ANK2: variants seen among roughly 807,000 people sequenced by gnomAD.
ANK2 encodes the protein ankyrin-2.
A neutral mutation model predicts 360.5 loss-of-function variants in ANK2; 83 were observed. That is an observed-to-expected ratio of 0.23 (90% CI 0.19 to 0.28). The LOEUF (loss-of-function observed/expected upper bound fraction) is 0.28. Ranked by LOEUF, ANK2 falls within the 10% of genes least tolerant of loss-of-function variation. The pLI, the probability that ANK2 is intolerant of heterozygous loss-of-function variation, is 1.00. For missense variants in ANK2, 4,201 were observed against 4,795.7 expected, an observed-to-expected ratio of 0.88 and a Z score of 3.66; for synonymous variants, 1,740 against 1,759.5, an observed-to-expected ratio of 0.99 and a Z score of 0.28.
chr4:113,341,314 T>G (rs912260040), intron 32 of ANK2, among the ~76,000 whole-genome samples: 1 of 152,196 alleles, frequency 6.6e-6, no homozygotes, highest in Admixed American at 6.5e-5. Flanking sequence ...AGTGAGATCC[T>G]TGTCTTATGT....
intron 2 of ANK2, among the ~76,000 whole-genome samples, chr4:112,910,641 T>C (rs530094317): frequency 4.1e-4 from 62 of 152,306 alleles, no homozygotes; most frequent in Middle Eastern, 3.4e-3. Flanking sequence ...CTGGGAATTG[T>C]CCAGCAAAAT....
chr4:112,864,072 T>G (rs1199941504), intron 1 of ANK2, among the ~76,000 whole-genome samples: 1 of 152,150 alleles, frequency 6.6e-6, no homozygotes, highest in African/African-American at 2.4e-5. Context: ...ACAGAAAGAA[T>G]AAAGAGATTA....
At chr4:112,883,485 AG>A (rs1056997160) in intron 1 of ANK2, among the ~76,000 whole-genome samples, 5 of 152,304 alleles carry the variant, frequency 3.3e-5, no homozygotes, top group Non-Finnish European at 5.9e-5. Context: ...TGAAAACAAA[AG>A]TTATTCTTTC....
chr4:113,355,807 T>A lies in ANK2; in HGVS notation c.7189T>A (p.Ser2397Thr), dbSNP rs941470798. The part of the protein sequence containing the change: ...ASVKTDTGTE[S>T]KPQGVIRSPQ... ...TGTAAAGACAGATACAGGAACTGAATCAAAACCTCAGGGAGTCATTAGAAG... is the reference window on the plus strand; with the variant it reads ...TGTAAAGACAGATACAGGAACTGAAACAAAACCTCAGGGAGTCATTAGAAG... The change falls in exon 38 of 46, where the codon TCA becomes ACA. Residue 2397 changes from serine to threonine, a missense_variant. By Grantham distance (58) the Ser-to-Thr change is moderately conservative. Transcript: ENST00000357077. 2 of 1,613,876 alleles carry A rather than the reference T, an allele frequency of 1.2e-6. No homozygotes were observed. Among genetic ancestry groups the A allele is most frequent in the Non-Finnish European group, 1.7e-6 (2 of 1,179,956 alleles).
At chr4:113,123,139 ACACT>A (rs1306047305) in intron 1 of ANK2, among the ~76,000 whole-genome samples, 1 of 151,952 alleles carries the variant, frequency 6.6e-6, no homozygotes, top group African/African-American at 2.4e-5. Flanking sequence ...AATCTTATAC[ACACT>A]CAATGTAATT....
intron 42 of ANK2, 106 bp from the exon 43 acceptor site, chr4:113,369,408 C>A: frequency 8.4e-7 from 1 of 1,189,766 alleles, no homozygotes; most frequent in Non-Finnish European, 1.2e-6. Flanking sequence ...TTTTGACTGT[C>A]ATAGACTATG....
the ANK2 span, among the ~76,000 whole-genome samples, chr4:112,786,746 C>CTTTT: frequency 2.8e-5 from 3 of 108,912 alleles, no homozygotes; most frequent in Non-Finnish European, 3.8e-5. Context: ...TAAAATCAAA[C>CTTTT]TTTTTTTTTT....
chr4:112,962,970 C>A (rs1431903521), intron 2 of ANK2, among the ~76,000 whole-genome samples: 1 of 152,044 alleles, frequency 6.6e-6, no homozygotes, highest in Non-Finnish European at 1.5e-5. Flanking sequence ...ATTTTTTCAG[C>A]TAATACATGA....
chr4:113,161,695 CGTGTGTGTGTGTGTGTGT>C (rs56162406), intron 1 of ANK2, among the ~76,000 whole-genome samples: 3 of 144,742 alleles, frequency 2.1e-5, no homozygotes, highest in Non-Finnish European at 4.6e-5. Flanking sequence ...GTTTTAGTCT[CGTGTGTGTGTGTGTGTGT>C]GTGTGTGTGT....
At chr4:113,084,751 C>T (rs2083839810) in intron 1 of ANK2, among the ~76,000 whole-genome samples, 1 of 152,132 alleles carries the variant, frequency 6.6e-6, no homozygotes, top group Non-Finnish European at 1.5e-5. Flanking sequence ...CAACACATTA[C>T]CTTGTATTTA....
intron 1 of ANK2, among the ~76,000 whole-genome samples, chr4:113,053,399 T>C (rs2068041928): frequency 6.6e-6 from 1 of 152,208 alleles, no homozygotes; most frequent in African/African-American, 2.4e-5. Flanking sequence ...GGCCAAGATA[T>C]TTCATACTAA....
the ANK2 span, among the ~76,000 whole-genome samples, chr4:112,771,965 T>C: frequency 3.3e-5 from 5 of 152,112 alleles, no homozygotes. Flanking sequence ...GAAGCCCCTT[T>C]CCTCTGGGTA....
chr4:113,198,178 TTA>T (rs2098777271), intron 3 of ANK2, among the ~76,000 whole-genome samples: 2 of 152,186 alleles, frequency 1.3e-5, no homozygotes, highest in Non-Finnish European at 2.9e-5. Flanking sequence ...AGGCTTACTT[TTA>T]ATCATAGAAT....
At chr4:113,207,851 CA>C (rs2098972522) in intron 4 of ANK2, among the ~76,000 whole-genome samples, 1 of 152,066 alleles carries the variant, frequency 6.6e-6, no homozygotes, top group Admixed American at 6.6e-5. Flanking sequence ...ATGAGGTGGG[CA>C]GGGGGCATGC....
intron 23 of ANK2, among the ~76,000 whole-genome samples, chr4:113,309,713 G>A (rs752774917): frequency 5.1e-4 from 77 of 152,028 alleles, no homozygotes; most frequent in Non-Finnish European, 2.1e-4. Flanking sequence ...GTAGAGATGA[G>A]GTCTAGGTGT....
intron 1 of ANK2, among the ~76,000 whole-genome samples, chr4:112,831,655 C>T (rs957147523): frequency 3.3e-5 from 5 of 152,176 alleles, no homozygotes; most frequent in Non-Finnish European, 7.3e-5. Flanking sequence ...CTGCTGGAGC[C>T]AGCACTCCTC....
intron 1 of ANK2, among the ~76,000 whole-genome samples, chr4:113,078,033 T>C (rs1452879533): frequency 6.6e-6 from 1 of 152,216 alleles, no homozygotes; most frequent in Non-Finnish European, 1.5e-5. Context: ...AAAATAGGAA[T>C]CATAATGGCT....
intron 2 of ANK2, among the ~76,000 whole-genome samples, chr4:113,010,495 A>G (rs1295170699): frequency 6.6e-6 from 1 of 152,174 alleles, no homozygotes; most frequent in African/African-American, 2.4e-5. Context: ...AGATGCTGGG[A>G]ACACTGAAGT....
intron 1 of ANK2, among the ~76,000 whole-genome samples, chr4:112,828,696 T>A (rs2059002006): frequency 6.6e-6 from 1 of 151,986 alleles, no homozygotes; most frequent in Non-Finnish European, 1.5e-5. Flanking sequence ...TTAAAGTAAA[T>A]AACCTTTGCA....
Sources: gnomAD v4.1 joint callset for allele counts (sites outside exome capture counted in the v4.1 genomes callset) on GRCh38, gnomAD v4.1.1 for gene constraint, MANE v1.5 for transcripts, NCBI Gene and HGNC (gene_info 2026-07-23, HGNC 2026-07-21) for gene names.